The following RIMS2 variants were observed in gnomAD, a reference collection of about 807,000 sequenced individuals.
RIMS2 encodes the protein regulating synaptic membrane exocytosis protein 2.
In RIMS2, 59 loss-of-function variants were observed where a neutral mutation model predicts 174.4. That is an observed-to-expected ratio of 0.34 (90% confidence interval 0.27 to 0.42). The LOEUF is 0.42. RIMS2 is among the 10% of genes least tolerant of loss of function. The probability of loss-of-function intolerance (pLI) is 1.00; values close to 1 mark genes in which losing one functional copy is unlikely to be tolerated. For synonymous variants in RIMS2, 606 were observed against 572.5 expected, an observed-to-expected ratio of 1.06 and a Z score of -0.84; for missense variants, 1,620 against 1,666.3, an observed-to-expected ratio of 0.97 and a Z score of 0.48.
intron 19 of RIMS2, among the ~76,000 whole-genome samples, chr8:104,153,351 G>A (rs150347593): frequency 7.2e-5 from 11 of 152,202 alleles, no homozygotes; most frequent in Admixed American, 1.3e-4. Context: ...GCAGATCTGA[G>A]TCATAGTATG....
At chr8:103,836,497 G>C (rs895805955) in intron 3 of RIMS2, among the ~76,000 whole-genome samples, 22 of 152,128 alleles carry the variant, frequency 1.4e-4, no homozygotes, top group Non-Finnish European at 2.8e-4. Flanking sequence ...AGAGTTGAAC[G>C]CTGCAGTGAG....
chr8:104,053,492 A>G (rs1050137837), intron 19 of RIMS2, among the ~76,000 whole-genome samples: 2 of 152,166 alleles, frequency 1.3e-5, no homozygotes, highest in African/African-American at 4.8e-5. Context: ...GGAGATTGGG[A>G]AAGTTTTAGA....
At chr8:103,670,594 C>T (rs983256263) in intron 1 of RIMS2, among the ~76,000 whole-genome samples, 4 of 152,156 alleles carry the variant, frequency 2.6e-5, no homozygotes, top group Admixed American at 2.6e-4. Flanking sequence ...GCCAGGTACC[C>T]TAAATCATCA....
intron 19 of RIMS2, among the ~76,000 whole-genome samples, chr8:104,185,582 A>G (rs1389219863): frequency 2.0e-5 from 3 of 151,698 alleles, no homozygotes; most frequent in African/African-American, 7.2e-5. Context: ...AAGGACATGA[A>G]TACACATTTT....
chr8:103,609,624 CTTGT>C (rs2095295532), intron 1 of RIMS2, among the ~76,000 whole-genome samples: 1 of 152,116 alleles, frequency 6.6e-6, no homozygotes, highest in African/African-American at 2.4e-5. Flanking sequence ...TCCTTTATTG[CTTGT>C]TTTTGTCAGC....
Position 103,664,867 on chromosome 8 carries a change from G to A in RIMS2, c.177-32219G>A, listed in dbSNP as rs9771850. Among the ~76,000 whole-genome samples the A allele has an allele frequency of 5.0e-3, 766 of 152,236 alleles. 8 individuals carry two copies. The highest frequency in any genetic ancestry group is 0.018 in the African/African-American group (727 of 41,520). ...CACTATTCACAATAGCAAAGACTTG[G>A]AACCAACCCAAATGTCCATCACTGA... On this transcript the variant is annotated intron_variant, in intron 1 of 23. Transcript: ENST00000504942.
At chr8:103,563,077 A>C (rs1230784249) in intron 1 of RIMS2, among the ~76,000 whole-genome samples, 1 of 152,138 alleles carries the variant, frequency 6.6e-6, no homozygotes, top group Non-Finnish European at 1.5e-5. Context: ...CAGGCCTGTG[A>C]TGGGAGGGGC....
chr8:103,705,141 T>C (rs2097209920), intron 2 of RIMS2, among the ~76,000 whole-genome samples: 1 of 152,110 alleles, frequency 6.6e-6, no homozygotes, highest in African/African-American at 2.4e-5. Context: ...AGTAATTTAG[T>C]ATTTCCATTT....
At chr8:104,115,991 A>G (rs1185482467) in intron 19 of RIMS2, among the ~76,000 whole-genome samples, 2 of 152,218 alleles carry the variant, frequency 1.3e-5, no homozygotes, top group Admixed American at 1.3e-4. Flanking sequence ...AATTGTTGGA[A>G]TGATGATCCT....
intron 1 of RIMS2, among the ~76,000 whole-genome samples, chr8:103,518,954 T>C (rs1830339005): frequency 6.6e-6 from 1 of 152,176 alleles, no homozygotes. Context: ...GGCTGAAGAA[T>C]CTTTTTAGGC....
chr8:103,753,724 T>C (rs1239801687), intron 2 of RIMS2, among the ~76,000 whole-genome samples: 1 of 152,212 alleles, frequency 6.6e-6, no homozygotes, highest in Non-Finnish European at 1.5e-5. Context: ...GTTGAAGTGT[T>C]TATAGTATTC....
chr8:103,553,556 C>G (rs569265572), intron 1 of RIMS2, among the ~76,000 whole-genome samples: 35 of 152,018 alleles, frequency 2.3e-4, no homozygotes, highest in Non-Finnish European at 4.4e-4. Context: ...TGTAACAAAG[C>G]TGCATGTTGT....
chr8:103,755,009 G>A (rs1197569356), intron 2 of RIMS2, among the ~76,000 whole-genome samples: 1 of 152,166 alleles, frequency 6.6e-6, no homozygotes, highest in African/African-American at 2.4e-5. Context: ...AGTTTATGCA[G>A]TTCCTTCATA....
intron 2 of RIMS2, among the ~76,000 whole-genome samples, chr8:103,711,171 C>A (rs997454965): frequency 6.6e-6 from 1 of 152,184 alleles, no homozygotes; most frequent in Non-Finnish European, 1.5e-5. Context: ...AAGGTACATT[C>A]CTCAGCCTTA....
intron 1 of RIMS2, among the ~76,000 whole-genome samples, chr8:103,591,585 G>A (rs1330092281): frequency 6.6e-6 from 1 of 151,176 alleles, no homozygotes; most frequent in African/African-American, 2.4e-5. Flanking sequence ...ATTATTGTAT[G>A]TGGTATGAAG....
chr8:103,988,533 C>T (rs530800426), intron 16 of RIMS2, among the ~76,000 whole-genome samples: 18 of 152,290 alleles, frequency 1.2e-4, no homozygotes, highest in East Asian at 3.9e-4. Flanking sequence ...GATCTCTGCT[C>T]ACTGCAGCCT....
intron 19 of RIMS2, among the ~76,000 whole-genome samples, chr8:104,038,079 T>C (rs1204452747): frequency 6.6e-6 from 1 of 152,052 alleles, no homozygotes; most frequent in East Asian, 1.9e-4. Context: ...AATTACACTC[T>C]ATAATACACA....
At chr8:103,821,962 C>T (rs1216364959) in intron 3 of RIMS2, among the ~76,000 whole-genome samples, 2 of 151,446 alleles carry the variant, frequency 1.3e-5, no homozygotes, top group East Asian at 1.9e-4. Context: ...ATAACTATCA[C>T]CTCTGGAAAG....
chr8:103,705,312 T>C (rs2097211735), intron 2 of RIMS2, among the ~76,000 whole-genome samples: 1 of 152,124 alleles, frequency 6.6e-6, no homozygotes. Context: ...AAAAGATACC[T>C]GATATGATTT....
Sources: allele counts gnomAD v4.1 joint callset (sites outside exome capture counted in the v4.1 genomes callset), GRCh38; gene constraint gnomAD v4.1.1; transcripts MANE v1.5; gene names NCBI Gene and HGNC (gene_info 2026-07-23, HGNC 2026-07-21).